The following EXOC4 variants were observed in gnomAD, a reference collection of about 807,000 sequenced individuals.
The protein encoded by EXOC4 is SEC8-like 1.
EXOC4 carries 71 observed loss-of-function variants against 107.2 expected under a neutral mutation model. That is an observed-to-expected ratio of 0.66 (90% CI 0.55 to 0.81). The LOEUF is 0.81. EXOC4 is among the 30% of genes least tolerant of loss of function. The probability of loss-of-function intolerance (pLI) is 0.00; values close to 1 mark genes in which losing one functional copy is unlikely to be tolerated. For missense variants in EXOC4, 1,108 were observed against 1,189.6 expected, an observed-to-expected ratio of 0.93 and a Z score of 1.01; for synonymous variants, 456 against 441.2, an observed-to-expected ratio of 1.03 and a Z score of -0.42.
chr7:133,343,698 G>C (rs1471309104), intron 5 of EXOC4, among the ~76,000 whole-genome samples: 2 of 149,610 alleles, frequency 1.3e-5, no homozygotes, highest in Admixed American at 6.6e-5. Context: ...GTGGCTTTTC[G>C]CATCCCTCAT....
intron 11 of EXOC4, among the ~76,000 whole-genome samples, chr7:133,832,342 C>G (rs1258967078): frequency 6.6e-6 from 1 of 152,284 alleles, no homozygotes; most frequent in East Asian, 1.9e-4. Flanking sequence ...AATGTTCATT[C>G]TTTGTGCTTT....
intron 12 of EXOC4, among the ~76,000 whole-genome samples, chr7:133,913,867 G>A (rs2116618544): frequency 6.6e-6 from 1 of 152,282 alleles, no homozygotes; most frequent in South Asian, 2.1e-4. Flanking sequence ...AGAATTCTGT[G>A]GAACACAGCA....
rs117618338 is a variant in EXOC4, at chr7:133,979,999, C to G, written c.2207-17493C>G. ...CCTGAAGGCCATCTCTACCACTGAA[C>G]TGGCGACTGGAGAAAGGCATTCTCC... On this transcript the variant is annotated intron_variant, in intron 14 of 17. Coordinates refer to ENST00000253861, the MANE Select transcript of EXOC4 (RefSeq NM_021807.4). Among the ~76,000 whole-genome samples the G allele has an allele frequency of 9.3e-3, 1,418 of 152,270 alleles. 8 individuals are homozygous for G. Among genetic ancestry groups the G allele is most frequent in the Middle Eastern group, 0.024 (7 of 294 alleles).
At chr7:133,552,612 T>C (rs1329683541) in intron 9 of EXOC4, among the ~76,000 whole-genome samples, 1 of 152,098 alleles carries the variant, frequency 6.6e-6, no homozygotes, top group South Asian at 2.1e-4. Context: ...CTCTGTTTGC[T>C]GAAACTCAGT....
intron 10 of EXOC4, among the ~76,000 whole-genome samples, chr7:133,654,208 C>T (rs2151038138): frequency 6.6e-6 from 1 of 152,200 alleles, no homozygotes. Flanking sequence ...AAAGGAGGAC[C>T]TTAAATTCAT....
chr7:133,273,812 A>G (rs1399851076), intron 1 of EXOC4, among the ~76,000 whole-genome samples: 3 of 152,140 alleles, frequency 2.0e-5, no homozygotes, highest in African/African-American at 7.2e-5. Flanking sequence ...AAGCAGTTCT[A>G]ATGATGGACT....
intron 7 of EXOC4, among the ~76,000 whole-genome samples, chr7:133,453,800 A>G (rs1471164996): frequency 3.9e-5 from 6 of 152,090 alleles, no homozygotes; most frequent in Non-Finnish European, 8.8e-5. Context: ...TCCTTATAAT[A>G]TGTAACTCTT....
intron 9 of EXOC4, among the ~76,000 whole-genome samples, chr7:133,495,913 T>C (rs1472334870): frequency 6.6e-6 from 1 of 152,180 alleles, no homozygotes; most frequent in Non-Finnish European, 1.5e-5. Flanking sequence ...GATAAGAAAT[T>C]GTATGACAAT....
intron 9 of EXOC4, among the ~76,000 whole-genome samples, chr7:133,613,792 T>G (rs1249244645): frequency 6.6e-6 from 1 of 152,096 alleles, no homozygotes; most frequent in Non-Finnish European, 1.5e-5. Context: ...CGAAATACCT[T>G]TTTATCTGGT....
intron 11 of EXOC4, among the ~76,000 whole-genome samples, chr7:133,819,505 A>G (rs962493158): frequency 1.0e-4 from 11 of 110,166 alleles, no homozygotes; most frequent in African/African-American, 3.6e-4. Context: ...TGCATGTTGC[A>G]TGGATGGATG....
At position 133,305,925 on chromosome 7, in the gene EXOC4, C is replaced by G. The variant is rs1563010887; in HGVS notation, c.520C>G (p.Leu174Val). 1 of 1,613,052 alleles carries G rather than the reference C, an allele frequency of 6.2e-7. No individual in the cohort carries two copies. The highest frequency in any genetic ancestry group is 1.1e-5 in the South Asian group (1 of 90,896). Reference sequence around the variant, plus strand: ...GGGCCCCCTGCTCCAGGTGGAAGGACTGAGTGACCTTCGACTAGAGCTTCA... The same window carrying G: ...GGGCCCCCTGCTCCAGGTGGAAGGAGTGAGTGACCTTCGACTAGAGCTTCA... Reference protein sequence around the residue: ...LEGPLLQVEGLSDLRLELHSK... With the variant: ...LEGPLLQVEGVSDLRLELHSK... The change falls in exon 4 of 18, where the codon CTG becomes GTG. Residue 174 changes from leucine to valine, a missense_variant. Leu to Val is a conservative substitution (Grantham distance 32, BLOSUM62 1). Transcript: ENST00000253861.
chr7:133,871,189 A>T (rs536726161), intron 11 of EXOC4, among the ~76,000 whole-genome samples: 1 of 151,988 alleles, frequency 6.6e-6, no homozygotes, highest in South Asian at 2.1e-4. Context: ...CAGAGTTATT[A>T]TACCTTATTA....
At chr7:133,506,095 GT>G (rs1355433020) in intron 9 of EXOC4, among the ~76,000 whole-genome samples, 1 of 152,148 alleles carries the variant, frequency 6.6e-6, no homozygotes, top group East Asian at 1.9e-4. Context: ...ATATTCTATA[GT>G]GGTTAGCTTA....
chr7:133,575,997 G>A (rs1563113445), intron 9 of EXOC4, among the ~76,000 whole-genome samples: 1 of 152,308 alleles, frequency 6.6e-6, no homozygotes, highest in East Asian at 1.9e-4. Flanking sequence ...TATTGAAAGT[G>A]TTCTGGACCT....
intron 14 of EXOC4, among the ~76,000 whole-genome samples, chr7:133,944,400 G>A (rs898565162): frequency 5.9e-5 from 9 of 152,100 alleles, no homozygotes; most frequent in Non-Finnish European, 1.3e-4. Flanking sequence ...GGTTTATCTG[G>A]TGTCTTTTCC....
At chr7:133,685,130 A>C (rs1794268435) in intron 10 of EXOC4, among the ~76,000 whole-genome samples, 1 of 152,212 alleles carries the variant, frequency 6.6e-6, no homozygotes, top group South Asian at 2.1e-4. Flanking sequence ...ATATGTAACC[A>C]TAAGCTGGAG....
Position 133,685,921 on chromosome 7 carries a change from T to A in EXOC4, c.1514+55780T>A, listed in dbSNP as rs542074779. ...CCAGTTTCTATTATTGCTCACTCCA[T>A]GTCCATGCGTACACACTATTTAGCT... On this transcript the variant is annotated intron_variant, in intron 10 of 17. Transcript: ENST00000253861. Among the ~76,000 whole-genome samples, 21 of 152,290 alleles carry A rather than the reference T, an allele frequency of 1.4e-4. 3 individuals are homozygous for A. In the South Asian group the frequency reaches 4.4e-3, roughly 32 times the overall value.
At chr7:133,331,341 CA>C (rs1795382707) in intron 5 of EXOC4, among the ~76,000 whole-genome samples, 1 of 151,480 alleles carries the variant, frequency 6.6e-6, no homozygotes, top group South Asian at 2.1e-4. Flanking sequence ...ATCAATAAAA[CA>C]AGCTAATAGA....
intron 11 of EXOC4, among the ~76,000 whole-genome samples, chr7:133,879,039 G>A (rs1331345804): frequency 6.6e-6 from 1 of 152,070 alleles, no homozygotes; most frequent in Admixed American, 6.6e-5. Flanking sequence ...TTTTCATTTT[G>A]TCTTAGTACC....
Sources: gnomAD v4.1 joint callset for allele counts (sites outside exome capture counted in the v4.1 genomes callset) on GRCh38, gnomAD v4.1.1 for gene constraint, MANE v1.5 for transcripts, NCBI Gene and HGNC (gene_info 2026-07-23, HGNC 2026-07-21) for gene names.